Variants in KIF20A observed in about 807,000 individuals in gnomAD.
KIF20A encodes the protein kinesin family member 20A.
Under a neutral mutation model 113.0 loss-of-function variants are expected in KIF20A, and 66 were observed. That is an observed-to-expected ratio of 0.58 (90% CI 0.48 to 0.72). The LOEUF is 0.72. KIF20A is among the 30% of genes least tolerant of loss of function. The pLI is 0.00. For missense variants in KIF20A, 927 were observed against 1,077.6 expected, an observed-to-expected ratio of 0.86 and a Z score of 1.96; for synonymous variants, 376 against 402.3, an observed-to-expected ratio of 0.93 and a Z score of 0.78.
Position 138,181,615 on chromosome 5 carries a change from G to A in KIF20A, c.262G>A (p.Val88Ile), listed in dbSNP as rs549081286. ...ELERQEDQGC[V>I]RIENVETLVL... Reference sequence around the variant, plus strand: ...GTATTTTCTCCCTTCTCAGGGTTGTGTCCGTATTGAGAATGTGGAGACCCT... The same window carrying A: ...GTATTTTCTCCCTTCTCAGGGTTGTATCCGTATTGAGAATGTGGAGACCCT... Residue 88 changes from valine (V) to isoleucine (I), a missense_variant, in exon 4 of 19, where the codon GTC (valine) becomes ATC (isoleucine). Coordinates refer to ENST00000394894, the MANE Select transcript of KIF20A (RefSeq NM_005733.3). The A allele has an allele frequency of 6.2e-7, 1 of 1,614,192 alleles. No individual in the cohort carries two copies. Among genetic ancestry groups the A allele is most frequent in the African/African-American group, 1.3e-5 (1 of 75,040 alleles).
intron 1 of KIF20A, 174 bp from the exon 2 acceptor site, chr5:138,179,486 A>G (rs1754597910): frequency 8.6e-6 from 5 of 578,052 alleles, no homozygotes; most frequent in African/African-American, 3.8e-5. Flanking sequence ...ACTTCTCTCA[A>G]TTGTTCATTA....
chr5:138,182,425 G>A lies in KIF20A; in HGVS notation c.478G>A (p.Gly160Arg). ...KGQNWLIYTYGVTNSGKTHTI... is the reference protein window; with the variant it reads ...KGQNWLIYTYRVTNSGKTHTI... Reference sequence around the variant, plus strand: ...GCAGAACTGGCTCATCTATACATATGGAGTCACTAACTCAGGGAAAACCCA... The same window carrying A: ...GCAGAACTGGCTCATCTATACATATAGAGTCACTAACTCAGGGAAAACCCA... Residue 160 changes from glycine (G) to arginine (R), a missense_variant, in exon 5 of 19, where the codon GGA (glycine) becomes AGA (arginine). Physicochemically the swap from Gly to Arg is moderately radical, Grantham distance 125. Coordinates refer to ENST00000394894, the MANE Select transcript of KIF20A (RefSeq NM_005733.3). The A allele has an allele frequency of 6.2e-7, 1 of 1,614,172 alleles. No individual in the cohort carries two copies. The highest frequency in any genetic ancestry group is 8.5e-7 in the Non-Finnish European group (1 of 1,180,028).
Position 138,184,450 on chromosome 5 carries a change from A to C in KIF20A, c.1518+46A>C, listed in dbSNP as rs17171776. ...TGGGTGTGCGCACTTGGAACTGGTA[A>C]CTCTAAGAAAGCTCCTAGGGACTAC... On this transcript the variant is annotated intron_variant, in intron 12 of 18. Coordinates refer to ENST00000394894, the MANE Select transcript of KIF20A (RefSeq NM_005733.3). The C allele has an allele frequency of 4.0e-3, 6,369 of 1,611,820 alleles. 227 individuals are homozygous for C. The African/African-American group carries it at 0.073, about 18-fold the overall frequency.
At chr5:138,181,881 C>T (rs1429186915) in intron 4 of KIF20A, 153 bp downstream of exon 4, 7 of 752,820 alleles carry the variant, frequency 9.3e-6, no homozygotes, top group Admixed American at 2.8e-5. Context: ...GTCAATGTGT[C>T]AAGTAACATA....
At chr5:138,186,265 CA>C (rs1487373025) in intron 17 of KIF20A, 28 bp from the exon 18 acceptor site, 1 of 1,578,014 alleles carries the variant, frequency 6.3e-7, no homozygotes, top group Non-Finnish European at 8.6e-7. Context: ...CTCTTGGCCA[CA>C]ATATGATTCC....
chr5:138,181,579 C>G (rs535286060), intron 3 of KIF20A, 30 bp from the exon 4 acceptor site: 30 of 1,614,064 alleles, frequency 1.9e-5, no homozygotes, highest in Non-Finnish European at 2.4e-5. Flanking sequence ...GGAATGCCTT[C>G]TGTGACAACT....
Position 138,182,976 on chromosome 5 carries a change from G to A in KIF20A, c.818G>A (p.Ser273Asn), listed in dbSNP as rs2151232852. ...GLSSISQCTSSSQLDETSHRW... is the reference protein window; with the variant it reads ...GLSSISQCTSNSQLDETSHRW... ...TCTTCTATCAGTCAGTGTACCAGCA[G>A]TAGCCAGCTGGATGGTATGTACCGT... is the stretch of plus-strand genomic sequence containing the variant. The change falls in exon 7 of 19, where the codon AGT (serine) becomes AAT (asparagine). Residue 273 changes from serine (S) to asparagine (N), a missense_variant. By Grantham distance (46) the Ser-to-Asn change is conservative. Transcript: ENST00000394894. The A allele has an allele frequency of 1.2e-6, 2 of 1,614,206 alleles. No homozygotes were observed. Among genetic ancestry groups the A allele is most frequent in the East Asian group, 2.2e-5 (1 of 44,882 alleles).
chr5:138,182,719 G>A lies in KIF20A; in HGVS notation c.648G>A (p.Gln216=). Residue 216 remains glutamine (Q), a synonymous_variant, in exon 6 of 19, where the codon CAG becomes CAA. Transcript: ENST00000394894. ...SNEVIWLDSK[Q]IRQEEMKKLS... ...AGGTAATCTGGCTAGACAGCAAGCA[G>A]ATCCGACAGGAGGAAATGAAGAAGC... is the stretch of plus-strand genomic sequence containing the variant. 1.9e-6 allele frequency: 3 copies of A among 1,613,996 alleles called. No individual in the cohort carries two copies. Among genetic ancestry groups the A allele is most frequent in the Non-Finnish European group, 1.7e-6 (2 of 1,180,032 alleles).
Position 138,185,921 on chromosome 5 carries a change from A to G in KIF20A, c.2126-40A>G, listed in dbSNP as rs753968118. On this transcript the variant is annotated intron_variant, in intron 16 of 18. Coordinates refer to ENST00000394894, the MANE Select transcript of KIF20A (RefSeq NM_005733.3). ...TAAAGAGGTTAGTCCAAGGCTAAAA[A>G]AACCCCACATATTTTAAGTTTCCTG... The G allele has an allele frequency of 2.3e-4, 369 of 1,583,086 alleles. 2 individuals carry two copies. In the Middle Eastern group the frequency reaches 5.0e-3, roughly 21 times the overall value.
intron 14 of KIF20A, 70 bp downstream of exon 14, chr5:138,185,016 G>C: frequency 6.3e-7 from 1 of 1,598,350 alleles, no homozygotes; most frequent in Non-Finnish European, 8.6e-7. Context: ...GTTAGGTGGA[G>C]TTGTGCCTCA....
chr5:138,183,932 C>G lies in KIF20A; in HGVS notation c.1209-30C>G. 6.2e-7 allele frequency: 1 copy of G among 1,613,740 alleles called. No individual in the cohort carries two copies. Among genetic ancestry groups the G allele is most frequent in the Non-Finnish European group, 8.5e-7 (1 of 1,179,798 alleles). ...CCAGAAGGCTCATAACATGTGAGGC[C>G]CTTATGTCAGATCCTGTGCATCATT... On this transcript the variant is annotated intron_variant, in intron 10 of 18. Coordinates refer to ENST00000394894, the MANE Select transcript of KIF20A (RefSeq NM_005733.3). This position sits in a 1 kb window ranked among gnomAD's most constrained non-coding sequence, Gnocchi z 5.2.
rs1581478318 is a variant in KIF20A, at chr5:138,183,452, C to T, written c.1028-18C>T. The T allele has an allele frequency of 5.6e-6, 9 of 1,612,122 alleles. No individual in the cohort carries two copies. In the East Asian group the frequency reaches 2.0e-4, roughly 36 times the overall value. ...GAGTTGGATGTTCCCATCTTACACCCCTCTCCTTTGGCCCCAGATCTCAAC... is the reference window on the plus strand; with the variant it reads ...GAGTTGGATGTTCCCATCTTACACCTCTCTCCTTTGGCCCCAGATCTCAAC... On this transcript the variant is annotated intron_variant, in intron 8 of 18. Transcript: ENST00000394894. This position sits in a 1 kb window ranked among gnomAD's most constrained non-coding sequence, Gnocchi z 5.2.
Position 138,183,543 on chromosome 5 carries a change from C to A in KIF20A, c.1101C>A (p.Ser367Arg), listed in dbSNP as rs1161084954. The part of the protein sequence containing the change: ...KLLKVGRKNQ[S>R]FASTHLNQNS... ...TAAAAGTGGGTCGTAAGAACCAGAG[C>A]TTTGCCAGCACCCACCTCAACCAGA... Residue 367 changes from serine to arginine, a missense_variant, in exon 9 of 19, where the codon AGC becomes AGA. By Grantham distance (110) the Ser-to-Arg change is moderately radical (BLOSUM62 -1). Coordinates refer to ENST00000394894, the MANE Select transcript of KIF20A (RefSeq NM_005733.3). This position sits in a 1 kb window ranked among gnomAD's most constrained non-coding sequence, Gnocchi z 5.2. 3 of 1,614,030 alleles carry A rather than the reference C, an allele frequency of 1.9e-6. No homozygotes were observed. Among genetic ancestry groups the A allele is most frequent in the Admixed American group, 1.7e-5 (1 of 60,004 alleles).
chr5:138,182,189 G>A, intron 4 of KIF20A, 134 bp from the exon 5 acceptor site: 1 of 916,448 alleles, frequency 1.1e-6, no homozygotes, highest in Non-Finnish European at 1.7e-6. Flanking sequence ...GGAACAGCCA[G>A]CAGCATTGCA....
intron 2 of KIF20A, among the ~76,000 whole-genome samples, 197 bp downstream of exon 2, chr5:138,180,042 T>A (rs1034362058): frequency 2.0e-5 from 3 of 151,278 alleles, no homozygotes; most frequent in Non-Finnish European, 4.4e-5. Context: ...AAAAAAAAAA[T>A]TGAGTTGTGT....
In KIF20A at chr5:138,182,901, A is replaced by T. The variant is rs73261939; in HGVS notation, c.743A>T (p.Glu248Val). The T allele has an allele frequency of 4.3e-6, 7 of 1,614,218 alleles. No homozygotes were observed. In the African/African-American group the frequency reaches 8.0e-5, roughly 18 times the overall value. The change falls in exon 7 of 19, where the codon GAA becomes GTA. Residue 248 changes from glutamate to valine, a missense_variant. Glu to Val is a moderately radical substitution (Grantham distance 121). Transcript: ENST00000394894. ...TCCTTGAAGAGGAGTGTCTACATCGAAAGTCGGATAGGTACCAGCACCAGC... is the reference window on the plus strand; with the variant it reads ...TCCTTGAAGAGGAGTGTCTACATCGTAAGTCGGATAGGTACCAGCACCAGC... ...STSLKRSVYI[E>V]SRIGTSTSFD...
rs1561629446 is a variant in KIF20A, at chr5:138,183,314, G to A, written c.978G>A (p.Arg326=). The change falls in exon 8 of 19, where the codon AGG becomes AGA. Residue 326 remains arginine (R), a synonymous_variant. Transcript: ENST00000394894. The surrounding 1 kb of genome is among the most constrained non-coding windows in gnomAD (Gnocchi z 5.2). ...AACCGCCTAGCCAACAGCGCAAGAGGCAGACTTTGCGGCTATGCGAGGATC... is the reference window on the plus strand; with the variant it reads ...AACCGCCTAGCCAACAGCGCAAGAGACAGACTTTGCGGCTATGCGAGGATC... ...LLEPPSQQRK[R]QTLRLCEDQN... The A allele has an allele frequency of 3.7e-6, 6 of 1,614,214 alleles. No individual in the cohort carries two copies. Among genetic ancestry groups the A allele is most frequent in the Non-Finnish European group, 5.1e-6 (6 of 1,180,048 alleles).
rs1754676383 is a variant in KIF20A, at chr5:138,182,569, C to A, written c.515-17C>A. ...AAGGGCACTTGCCTCAGCTGTCCAT[C>A]TTTCATATGCCTCCAGGTACCATCA... On this transcript the variant is annotated splice_polypyrimidine_tract_variant and intron_variant, in intron 5 of 18. Transcript: ENST00000394894. The A allele has an allele frequency of 6.2e-7, 1 of 1,614,014 alleles. No homozygotes were observed. Among genetic ancestry groups the A allele is most frequent in the Non-Finnish European group, 8.5e-7 (1 of 1,179,920 alleles).
Position 138,184,587 on chromosome 5 carries a change from T to TC in KIF20A, c.1599dup (p.Ser534GlnfsTer7). ...CATCAAGGAACATAGTCTTCAGGTA[T>TC]CCCCCAGCTTAGAGAAAGGGGCTAA... is the stretch of plus-strand genomic sequence containing the variant. On this transcript the variant is annotated frameshift_variant, in exon 13 of 19. Transcript: ENST00000394894. LOFTEE classifies it high-confidence loss of function. 1 of 1,614,148 alleles carries TC rather than the reference T, an allele frequency of 6.2e-7. No homozygotes were observed. Among genetic ancestry groups the TC allele is most frequent in the Non-Finnish European group, 8.5e-7 (1 of 1,179,996 alleles).
Sources: gnomAD v4.1 joint callset for allele counts (sites outside exome capture counted in the v4.1 genomes callset) on GRCh38, gnomAD v4.1.1 for gene constraint, Gnocchi (gnomAD v3.1) non-coding constraint, MANE v1.5 for transcripts, NCBI Gene and HGNC (gene_info 2026-07-23, HGNC 2026-07-21) for gene names.